Variants in RSF1 observed in about 807,000 individuals in gnomAD.
RSF1 encodes the protein HBV pX-associated protein 8.
In RSF1, 13 loss-of-function variants were observed where a neutral mutation model predicts 145.2. That is an observed-to-expected ratio of 0.09 (90% CI 0.06 to 0.14). The LOEUF is 0.14. RSF1 is among the 10% of genes least tolerant of loss of function. RSF1 has a pLI of 1.00. For synonymous variants in RSF1, 577 were observed against 592.6 expected (o/e 0.97, Z 0.38); for missense variants, 1,517 against 1,718.2 (o/e 0.88, Z 2.07).
intron 1 of RSF1, among the ~76,000 whole-genome samples, chr11:77,792,472 C>T (rs1009221349): frequency 1.3e-5 from 2 of 152,144 alleles, no homozygotes; most frequent in Admixed American, 6.5e-5. Context: ...TGTACGTCAC[C>T]CTGGGACCAA....
intron 5 of RSF1, among the ~76,000 whole-genome samples, chr11:77,712,222 G>C (rs747076098): frequency 4.6e-5 from 7 of 152,176 alleles, no homozygotes; most frequent in Admixed American, 2.6e-4. Context: ...TACTGTTCTC[G>C]TGTAGTGAAT....
chr11:77,689,525 AC>A (rs1368268122), intron 9 of RSF1, among the ~76,000 whole-genome samples: 1 of 152,174 alleles, frequency 6.6e-6, no homozygotes, highest in Non-Finnish European at 1.5e-5. Context: ...TCTCTTGAGA[AC>A]CCCAAATCCT....
At chr11:77,676,737 C>G in intron 13 of RSF1, 55 bp downstream of exon 13, 4 of 1,509,812 alleles carry the variant, frequency 2.6e-6, no homozygotes, top group Non-Finnish European at 3.6e-6. Context: ...CTCTGCTAGC[C>G]CAGTCCTGTT....
chr11:77,762,550 A>G (rs1157132642), intron 2 of RSF1: 2 of 152,212 alleles, frequency 1.3e-5, no homozygotes, highest in Non-Finnish European at 2.9e-5. Flanking sequence ...CAGTAGGGCT[A>G]AGCTACTGGT....
the RSF1 span, among the ~76,000 whole-genome samples, chr11:77,833,005 A>ATTTT: frequency 3.0e-5 from 2 of 65,734 alleles, no homozygotes; most frequent in African/African-American, 1.5e-4. Flanking sequence ...GTGTATATAT[A>ATTTT]TATATTTTTT....
At chr11:77,803,174 G>A (rs1948643581) in intron 1 of RSF1, among the ~76,000 whole-genome samples, 1 of 151,966 alleles carries the variant, frequency 6.6e-6, no homozygotes, top group Non-Finnish European at 1.5e-5. Flanking sequence ...TTGAAAGAGG[G>A]TCTCACTTTG....
At chr11:77,680,192 G>C (rs1461318815) in intron 11 of RSF1, among the ~76,000 whole-genome samples, 1 of 152,180 alleles carries the variant, frequency 6.6e-6, no homozygotes, top group Non-Finnish European at 1.5e-5. Context: ...AGCACTCTTG[G>C]GAGGCTGAGG....
chr11:77,683,833 A>AT lies in RSF1; in HGVS notation c.2956-15dup. 6.3e-7 allele frequency: 1 copy of AT among 1,575,258 alleles called. No individual in the cohort carries two copies. Among genetic ancestry groups the AT allele is most frequent in the Non-Finnish European group, 8.7e-7 (1 of 1,149,798 alleles). On this transcript the variant is annotated splice_polypyrimidine_tract_variant and intron_variant, in intron 10 of 15. Coordinates refer to ENST00000308488, the MANE Select transcript of RSF1 (RefSeq NM_016578.4). ...AAAGTCTGGCTCCTTAAAAAATATG[A>AT]TAATAAGCATAGAGGTTATTCCTTA... is the stretch of plus-strand genomic sequence containing the variant.
intron 1 of RSF1, among the ~76,000 whole-genome samples, chr11:77,785,925 C>CAAAAAAAA (rs10661397): frequency 1.1e-4 from 4 of 37,140 alleles, no homozygotes; most frequent in Non-Finnish European, 1.4e-4. Flanking sequence ...GATTCTGTCT[C>CAAAAAAAA]AAAAAAAAAA....
intron 5 of RSF1, among the ~76,000 whole-genome samples, chr11:77,711,681 A>C (rs1288831272): frequency 6.6e-6 from 1 of 151,992 alleles, no homozygotes; most frequent in Non-Finnish European, 1.5e-5. Flanking sequence ...AAAACAAACA[A>C]ACAAACAAAC....
intron 4 of RSF1, chr11:77,734,992 T>G: frequency 1.3e-6 from 2 of 1,596,232 alleles, no homozygotes; most frequent in South Asian, 2.2e-5. Flanking sequence ...CTGGTGGTAG[T>G]TCTGGCGCAC....
chr11:77,733,252 A>C (rs1961253011), intron 4 of RSF1, among the ~76,000 whole-genome samples: 1 of 152,202 alleles, frequency 6.6e-6, no homozygotes, highest in African/African-American at 2.4e-5. Flanking sequence ...CGTTTTACTA[A>C]TTCTAATGGA....
At chr11:77,752,326 G>T (rs1276755003) in intron 2 of RSF1, among the ~76,000 whole-genome samples, 3 of 152,120 alleles carry the variant, frequency 2.0e-5, no homozygotes, top group Non-Finnish European at 4.4e-5. Context: ...TTGTTAGCAC[G>T]TATACGGTAA....
chr11:77,735,005 G>A, intron 4 of RSF1: 1 of 1,590,934 alleles, frequency 6.3e-7, no homozygotes, highest in Non-Finnish European at 8.5e-7. Flanking sequence ...TGGCGCACCT[G>A]TGAGGTGGAC....
At chr11:77,742,979 C>T (rs754991709) in intron 3 of RSF1, among the ~76,000 whole-genome samples, 1 of 152,190 alleles carries the variant, frequency 6.6e-6, no homozygotes, top group Non-Finnish European at 1.5e-5. Flanking sequence ...GTTTTCCCAG[C>T]ACCATTTATT....
chr11:77,782,186 A>G (rs888440304), intron 1 of RSF1, among the ~76,000 whole-genome samples: 2 of 152,208 alleles, frequency 1.3e-5, no homozygotes, highest in Non-Finnish European at 2.9e-5. Flanking sequence ...ACAATACCAC[A>G]TGTGGCTTAG....
chr11:77,727,019 A>G (rs1961070750), intron 4 of RSF1, among the ~76,000 whole-genome samples: 1 of 152,232 alleles, frequency 6.6e-6, no homozygotes, highest in Admixed American at 6.5e-5. Flanking sequence ...ATGACAATCA[A>G]TTATACATGA....
rs747163673 is a variant in RSF1, at chr11:77,764,509, A to G, written c.279+89T>C. ...TAGTCTTACTTTTAGTAAACTAATT[A>G]AAAATTATGTGTATTATAAAACATA... On this transcript the variant is annotated intron_variant, in intron 2 of 15. Transcript: ENST00000308488. 28 of 770,458 alleles carry G rather than the reference A, an allele frequency of 3.6e-5. No individual in the cohort carries two copies. The South Asian group carries it at 4.6e-4, about 13-fold the overall frequency. The allele number at this position is 770,458 out of a possible 1,614,324, so 47.7% of individuals were successfully genotyped here. A position where few individuals can be genotyped will look rare whatever the true frequency, so the allele number is the denominator to read the frequency against.
In RSF1 at chr11:77,667,294, C is replaced by G. The variant is rs961817107; in HGVS notation, c.3949G>C (p.Asp1317His). 1 of 1,614,210 alleles carries G rather than the reference C, an allele frequency of 6.2e-7. No individual in the cohort carries two copies. ...EEESCDNAHG[D>H]ANQPARDSQP... The stretch of plus-strand genomic sequence containing the variant: ...CTGTCACGGGCAGGCTGATTTGCAT[C>G]TCCATGAGCATTGTCACAACTCTCC... The change falls in exon 16 of 16, where the codon GAT (aspartate) becomes CAT (histidine). Residue 1317 changes from aspartate to histidine, a missense_variant. Around this residue, in one of 12 missense-constraint regions of RSF1, gnomAD observed 240 missense variants for 231.8 expected, o/e 1.04. Transcript: ENST00000308488.
Sources: gnomAD v4.1 joint callset for allele counts (sites outside exome capture counted in the v4.1 genomes callset) on GRCh38, gnomAD v4.1.1 for gene constraint, gnomAD v4.1.1 regional missense constraint, MANE v1.5 for transcripts, NCBI Gene and HGNC (gene_info 2026-07-23, HGNC 2026-07-21) for gene names.